LHFPL3: variants seen among roughly 807,000 people sequenced by gnomAD.
LHFPL3 encodes the protein LHFPL tetraspan subfamily member 3 protein.
LHFPL3 carries 5 observed loss-of-function variants against 19.3 expected under a neutral mutation model. The ratio of observed to expected loss-of-function variants is 0.26; its 90% CI spans 0.14 to 0.54. The LOEUF is 0.54. LHFPL3 is among the 20% of genes least tolerant of loss of function. LHFPL3 has a pLI of 0.94. For missense variants in LHFPL3, 249 were observed against 307.4 expected (o/e 0.81, Z 1.42); for synonymous variants, 133 against 126.2 (o/e 1.05, Z -0.36).
rs181340106 is a variant in LHFPL3 at position 104,699,759 on chromosome 7, C to G, written c.446-36916C>G. ...AAAGCAGTTTTCCCCAGCATCCCCT[C>G]GCAGGACAGAATTTAGTTATCCTCA... On this transcript the variant is annotated intron_variant, in intron 1 of 2. Transcript: ENST00000424859. 2.9e-3 allele frequency among the ~76,000 whole-genome samples: 435 copies of G among 152,302 alleles called. 6 individuals are homozygous for G. Among genetic ancestry groups the G allele is most frequent in the African/African-American group, 9.8e-3 (407 of 41,546 alleles).
intron 2 of LHFPL3, among the ~76,000 whole-genome samples, chr7:104,749,089 A>G (rs1420182082): frequency 6.6e-6 from 1 of 152,242 alleles, no homozygotes; most frequent in Non-Finnish European, 1.5e-5. Flanking sequence ...TCCAATTAAT[A>G]TCTCCCAGCA....
chr7:104,497,402 C>A (rs1793505012), intron 1 of LHFPL3, among the ~76,000 whole-genome samples: 1 of 149,840 alleles, frequency 6.7e-6, no homozygotes, highest in African/African-American at 2.4e-5. Context: ...CACACACATA[C>A]ACACACACAG....
At chr7:104,852,423 G>T (rs570087834) in intron 2 of LHFPL3, among the ~76,000 whole-genome samples, 1 of 152,358 alleles carries the variant, frequency 6.6e-6, no homozygotes, top group Non-Finnish European at 1.5e-5. Context: ...TGAAAGTAGG[G>T]CAGTAGTAAA....
intron 1 of LHFPL3, among the ~76,000 whole-genome samples, chr7:104,456,456 G>A (rs1234265386): frequency 6.6e-6 from 1 of 152,182 alleles, no homozygotes; most frequent in Non-Finnish European, 1.5e-5. Context: ...AAGACCCCCA[G>A]TGGATGCCTG....
At chr7:104,477,350 T>C (rs563548066) in intron 1 of LHFPL3, among the ~76,000 whole-genome samples, 17 of 152,304 alleles carry the variant, frequency 1.1e-4, no homozygotes, top group African/African-American at 4.1e-4. Flanking sequence ...AATAAATATC[T>C]ATCAAGTGTT....
At chr7:104,493,319 AG>A (rs1445493360) in intron 1 of LHFPL3, among the ~76,000 whole-genome samples, 1 of 151,544 alleles carries the variant, frequency 6.6e-6, no homozygotes, top group Non-Finnish European at 1.5e-5. Context: ...CCCAGGGAGT[AG>A]GGAGTATTTT....
At chr7:104,641,511 G>A (rs948425157) in intron 1 of LHFPL3, among the ~76,000 whole-genome samples, 1 of 152,190 alleles carries the variant, frequency 6.6e-6, no homozygotes, top group Admixed American at 6.5e-5. Flanking sequence ...TTTCGTTAGA[G>A]GTATACCAGA....
At chr7:104,784,019 G>C (rs1178470706) in intron 2 of LHFPL3, among the ~76,000 whole-genome samples, 2 of 152,312 alleles carry the variant, frequency 1.3e-5, no homozygotes, top group East Asian at 3.9e-4. Flanking sequence ...CTGAGGATGA[G>C]AGGCTCAATG....
intron 1 of LHFPL3, among the ~76,000 whole-genome samples, chr7:104,471,152 G>T (rs993930753): frequency 6.6e-6 from 1 of 151,892 alleles, no homozygotes; most frequent in South Asian, 2.1e-4. Context: ...CTTTCTATAC[G>T]GTGTGTGTAT....
At chr7:104,692,568 C>A (rs1197938146) in intron 1 of LHFPL3, among the ~76,000 whole-genome samples, 1 of 152,274 alleles carries the variant, frequency 6.6e-6, no homozygotes, top group Non-Finnish European at 1.5e-5. Context: ...GGGCGGTGCC[C>A]TTTGTCCCAG....
rs1433705366 is a variant in LHFPL3, at chr7:104,698,034, A to G, written c.446-38641A>G. 2.0e-5 allele frequency among the ~76,000 whole-genome samples: 3 copies of G among 152,344 alleles called. No homozygotes were observed. In the East Asian group the frequency reaches 5.8e-4, roughly 29 times the overall value. Reference sequence around the variant, plus strand: ...AAATAAGTCCCAAATCCTTATTCCAATATCACGGCCTTTGTGTATAACTCT... The same window carrying G: ...AAATAAGTCCCAAATCCTTATTCCAGTATCACGGCCTTTGTGTATAACTCT... On this transcript the variant is annotated intron_variant, in intron 1 of 2. Coordinates refer to ENST00000424859, the MANE Select transcript of LHFPL3 (RefSeq NM_199000.3).
At chr7:104,840,865 GTTCA>G (rs1183747762) in intron 2 of LHFPL3, among the ~76,000 whole-genome samples, 2 of 151,920 alleles carry the variant, frequency 1.3e-5, no homozygotes, top group Non-Finnish European at 2.9e-5. Flanking sequence ...TGAGACCACA[GTTCA>G]TTCAAGTTTG....
At chr7:104,690,411 G>A (rs900749579) in intron 1 of LHFPL3, among the ~76,000 whole-genome samples, 3 of 152,182 alleles carry the variant, frequency 2.0e-5, no homozygotes, top group African/African-American at 7.2e-5. Flanking sequence ...TCAACTCTCC[G>A]ACTTTGTGTC....
At position 104,548,603 on chromosome 7, in the gene LHFPL3, T is replaced by A. The variant is rs189777381; in HGVS notation, c.446-188072T>A. On this transcript the variant is annotated intron_variant, in intron 1 of 2. Coordinates refer to ENST00000424859, the MANE Select transcript of LHFPL3 (RefSeq NM_199000.3). ...ATAAAGATGGAACGAAATAAAGAAC[T>A]TTTTGCTGGAGAAAAATACGTTCTC... Among the ~76,000 whole-genome samples, 4 of 152,268 alleles carry A rather than the reference T, an allele frequency of 2.6e-5. No individual in the cohort carries two copies. In the East Asian group the frequency reaches 7.7e-4, roughly 29 times the overall value.
chr7:104,677,729 A>G (rs568734662), intron 1 of LHFPL3, among the ~76,000 whole-genome samples: 3 of 152,246 alleles, frequency 2.0e-5, no homozygotes, highest in Non-Finnish European at 4.4e-5. Context: ...GTGGCTATCA[A>G]ACACTTGCAA....
intron 2 of LHFPL3, among the ~76,000 whole-genome samples, chr7:104,903,297 C>T (rs1320140838): frequency 6.6e-6 from 1 of 152,038 alleles, no homozygotes; most frequent in East Asian, 1.9e-4. Context: ...TCATGGATGC[C>T]AACAAATGAT....
intron 1 of LHFPL3, among the ~76,000 whole-genome samples, chr7:104,419,162 C>G (rs567848002): frequency 6.6e-6 from 1 of 152,196 alleles, no homozygotes; most frequent in South Asian, 2.1e-4. Context: ...GAAAGATAAA[C>G]TCCAAGGTAT....
At chr7:104,381,237 C>G (rs571810961) in intron 1 of LHFPL3, among the ~76,000 whole-genome samples, 1 of 152,236 alleles carries the variant, frequency 6.6e-6, no homozygotes, top group African/African-American at 2.4e-5. Flanking sequence ...CCAAGTTGTA[C>G]AGATCAAGTT....
At chr7:104,350,322 T>C (rs1790149191) in intron 1 of LHFPL3, among the ~76,000 whole-genome samples, 1 of 152,218 alleles carries the variant, frequency 6.6e-6, no homozygotes, top group Non-Finnish European at 1.5e-5. Context: ...CAAGTTCTAT[T>C]GGACAGAACC....
Sources: gnomAD v4.1 joint callset for allele counts (sites outside exome capture counted in the v4.1 genomes callset) on GRCh38, gnomAD v4.1.1 for gene constraint, MANE v1.5 for transcripts, NCBI Gene and HGNC (gene_info 2026-07-23, HGNC 2026-07-21) for gene names.